NDUFS4: variants seen among roughly 807,000 people sequenced by gnomAD.
NDUFS4 encodes NADH dehydrogenase [ubiquinone] iron-sulfur protein 4, mitochondrial.
In NDUFS4, 28 loss-of-function variants were observed where a neutral mutation model predicts 24.3. That is an observed-to-expected ratio of 1.15 (90% CI 0.85 to 1.58). NDUFS4 has a LOEUF of 1.58. Ranked by LOEUF, NDUFS4 falls within the 40% of genes most tolerant of loss-of-function variation. The pLI is 0.00. For synonymous variants in NDUFS4, 93 were observed against 69.7 expected (o/e 1.34, Z -1.67); for missense variants, 223 against 207.9 (o/e 1.07, Z -0.45).
intron 1 of NDUFS4, among the ~76,000 whole-genome samples, chr5:53,581,123 G>T (rs1223482854): frequency 2.0e-5 from 3 of 152,128 alleles, no homozygotes; most frequent in Non-Finnish European, 4.4e-5. Flanking sequence ...GTGAGCTACT[G>T]TGCCTGGCCA....
chr5:53,596,711 C>G (rs1750141760), intron 1 of NDUFS4, among the ~76,000 whole-genome samples: 1 of 152,036 alleles, frequency 6.6e-6, no homozygotes, highest in South Asian at 2.1e-4. Context: ...GTAATATTTC[C>G]TTATGGCTTA....
At chr5:53,564,563 A>G (rs1313753725) in intron 1 of NDUFS4, among the ~76,000 whole-genome samples, 5 of 152,212 alleles carry the variant, frequency 3.3e-5, no homozygotes, top group African/African-American at 1.2e-4. Flanking sequence ...ATTTTGAGAC[A>G]GAGTCTCATT....
At chr5:53,575,432 T>C (rs1259354151) in intron 1 of NDUFS4, among the ~76,000 whole-genome samples, 1 of 152,080 alleles carries the variant, frequency 6.6e-6, no homozygotes, top group African/African-American at 2.4e-5. Context: ...GGATGGATTA[T>C]TTTTAAAGCT....
intron 1 of NDUFS4, among the ~76,000 whole-genome samples, chr5:53,599,089 T>G (rs1164712904): frequency 6.6e-6 from 1 of 152,192 alleles, no homozygotes; most frequent in Non-Finnish European, 1.5e-5. Flanking sequence ...TATTTTCTAA[T>G]GATTACACAT....
intron 2 of NDUFS4, among the ~76,000 whole-genome samples, chr5:53,618,269 T>C (rs1750915649): frequency 6.9e-6 from 1 of 144,518 alleles, no homozygotes. Flanking sequence ...AGTGAGACCC[T>C]GTCTCCAAAA....
intron 1 of NDUFS4, among the ~76,000 whole-genome samples, chr5:53,595,136 T>G (rs189196575): frequency 5.3e-5 from 8 of 152,306 alleles, no homozygotes; most frequent in African/African-American, 1.7e-4. Context: ...AATGTATATG[T>G]CTGTGCCTGG....
chr5:53,629,920 A>T (rs926899034), intron 2 of NDUFS4, among the ~76,000 whole-genome samples: 1 of 152,164 alleles, frequency 6.6e-6, no homozygotes, highest in Non-Finnish European at 1.5e-5. Flanking sequence ...TCCTGTCATT[A>T]TGATGCTAGC....
chr5:53,662,244 A>G (rs531355350), intron 4 of NDUFS4, among the ~76,000 whole-genome samples: 20 of 152,284 alleles, frequency 1.3e-4, no homozygotes, highest in South Asian at 2.1e-4. Flanking sequence ...TTCTGCATCT[A>G]TTCAGATAAT....
At chr5:53,562,196 G>T (rs1159986806) in intron 1 of NDUFS4, among the ~76,000 whole-genome samples, 3 of 152,006 alleles carry the variant, frequency 2.0e-5, no homozygotes, top group African/African-American at 7.2e-5. Flanking sequence ...TAGAGGCGGG[G>T]TTTCACCATG....
chr5:53,594,482 G>C (rs1042736385), intron 1 of NDUFS4, among the ~76,000 whole-genome samples: 4 of 151,832 alleles, frequency 2.6e-5, no homozygotes, highest in Non-Finnish European at 4.4e-5. Flanking sequence ...AATCTACTCC[G>C]ATAACTCTCT....
rs1009488303 is a variant in NDUFS4 at position 53,634,990 on chromosome 5, GACC to G, written c.178-11241_178-11239del. 4.0e-4 allele frequency among the ~76,000 whole-genome samples: 61 copies of G among 152,034 alleles called. 1 individual carries two copies. Among genetic ancestry groups the G allele is most frequent in the African/African-American group, 1.3e-3 (55 of 41,458 alleles). On this transcript the variant is annotated intron_variant, in intron 2 of 4. Coordinates refer to ENST00000296684, the MANE Select transcript of NDUFS4 (RefSeq NM_002495.4). ...AATCACCTTGAGGTCAAGCGTTCGAGACCAGCCTGGCCAACATGGTGAAACCCC... is the reference window on the plus strand; with the variant it reads ...AATCACCTTGAGGTCAAGCGTTCGAGAGCCTGGCCAACATGGTGAAACCCC...
chr5:53,658,675 A>C (rs748943749), intron 4 of NDUFS4, 51 bp downstream of exon 4: 3 of 1,503,280 alleles, frequency 2.0e-6, no homozygotes, highest in Non-Finnish European at 1.9e-6. Context: ...TTATGTTCTT[A>C]ACCTTAATTA....
intron 4 of NDUFS4, among the ~76,000 whole-genome samples, chr5:53,661,429 T>C (rs1307420202): frequency 4.6e-5 from 7 of 152,218 alleles, no homozygotes; most frequent in East Asian, 1.9e-4. Flanking sequence ...TGAAGTCAGG[T>C]AGCTTGATGC....
intron 1 of NDUFS4, among the ~76,000 whole-genome samples, chr5:53,588,124 T>A (rs1213432544): frequency 1.3e-5 from 2 of 152,098 alleles, no homozygotes; most frequent in African/African-American, 4.8e-5. Context: ...TCACACAAAT[T>A]TTTTGGTTTC....
chr5:53,617,847 T>C (rs1750894667), intron 2 of NDUFS4, among the ~76,000 whole-genome samples: 1 of 152,258 alleles, frequency 6.6e-6, no homozygotes, highest in South Asian at 2.1e-4. Flanking sequence ...AAATATAGCC[T>C]TAGATCTTTA....
intron 1 of NDUFS4, among the ~76,000 whole-genome samples, chr5:53,584,709 A>C (rs1161169059): frequency 2.0e-5 from 3 of 152,138 alleles, no homozygotes; most frequent in Non-Finnish European, 1.5e-5. Context: ...TAGATCTTTT[A>C]AACTTCTCTT....
At chr5:53,592,586 CTG>C (rs1190888228) in intron 1 of NDUFS4, among the ~76,000 whole-genome samples, 1 of 152,150 alleles carries the variant, frequency 6.6e-6, no homozygotes. Flanking sequence ...TGTAATGTCA[CTG>C]TGTAGATTAA....
intron 2 of NDUFS4, among the ~76,000 whole-genome samples, chr5:53,627,945 T>A (rs1357031468): frequency 6.6e-6 from 1 of 152,214 alleles, no homozygotes; most frequent in Admixed American, 6.5e-5. Context: ...AGAGAGGGCA[T>A]CCTTGTCTTG....
At chr5:53,629,233 G>A (rs1368232666) in intron 2 of NDUFS4, among the ~76,000 whole-genome samples, 1 of 152,132 alleles carries the variant, frequency 6.6e-6, no homozygotes, top group Non-Finnish European at 1.5e-5. Context: ...ATTGTACTAT[G>A]GTCTGAGAGA....
Sources: gnomAD v4.1 joint callset for allele counts (sites outside exome capture counted in the v4.1 genomes callset) on GRCh38, gnomAD v4.1.1 for gene constraint, MANE v1.5 for transcripts, NCBI Gene and HGNC (gene_info 2026-07-23, HGNC 2026-07-21) for gene names.